AGAP2: variants seen among roughly 807,000 people sequenced by gnomAD.
The protein encoded by AGAP2 is ArfGAP with GTPase domain, ankyrin repeat and PH domain 2, also known as arf-GAP with GTPase, ANK repeat and PH domain-containing protein 2.
Under a neutral mutation model 110.9 loss-of-function variants are expected in AGAP2, and 32 were observed. That is an observed-to-expected ratio of 0.29 (90% CI 0.22 to 0.39). AGAP2 has a LOEUF of 0.39. AGAP2 is among the 10% of genes least tolerant of loss of function. AGAP2 has a pLI of 1.00. For synonymous variants in AGAP2, 702 were observed against 713.0 expected (o/e 0.98, Z 0.25); for missense variants, 1,285 against 1,638.5 (o/e 0.78, Z 3.72).
At chr12:57,735,084 C>T (rs1595092149) in intron 2 of AGAP2, among the ~76,000 whole-genome samples, 1 of 151,628 alleles carries the variant, frequency 6.6e-6, no homozygotes, top group Admixed American at 6.6e-5. Flanking sequence ...GGCAGTACAA[C>T]ATGAAGGCCA....
Position 57,731,278 on chromosome 12 carries a change from T to C in AGAP2, c.2145+88A>G, listed in dbSNP as rs75466825. The C allele has an allele frequency of 1.1e-3, 1,215 of 1,127,798 alleles. 27 individuals carry two copies. The East Asian group carries it at 0.028, about 26-fold the overall frequency. The allele number at this position is 1,127,798 out of a possible 1,614,324, so 69.9% of individuals were successfully genotyped here. A position where few individuals can be genotyped will look rare whatever the true frequency, so the allele number is the denominator to read the frequency against. ...GAAGAGGACTAGCACTTCCTAGAAA[T>C]GAGGTTAGTGCTTTGTCAGAGGCAT... is the stretch of plus-strand genomic sequence containing the variant. On this transcript the variant is annotated intron_variant, in intron 10 of 18. Transcript: ENST00000547588.
chr12:57,727,371 C>T lies in AGAP2; in HGVS notation c.3069G>A (p.Arg1023=). The part of the protein sequence containing the change: ...SDTRGRAKPS[R]DSSREERESW... ...TCCCTCACGCTTACCGCGAAGAGTCCCGCGAGGGCTTGGCACGGCCTCGCG... is the reference window on the plus strand; with the variant it reads ...TCCCTCACGCTTACCGCGAAGAGTCTCGCGAGGGCTTGGCACGGCCTCGCG... The change falls in exon 17 of 19, where the codon CGG becomes CGA. Residue 1023 remains arginine (R), a synonymous_variant. Coordinates refer to ENST00000547588, the MANE Select transcript of AGAP2 (RefSeq NM_001122772.3). The T allele has an allele frequency of 6.2e-7, 1 of 1,610,718 alleles. No individual in the cohort carries two copies. Among genetic ancestry groups the T allele is most frequent in the Non-Finnish European group, 8.5e-7 (1 of 1,178,838 alleles).
In AGAP2 at chr12:57,727,112, G is replaced by T; in HGVS notation, c.3198C>A (p.Asp1066Glu). 6.3e-7 allele frequency: 1 copy of T among 1,596,556 alleles called. No individual in the cohort carries two copies. Among genetic ancestry groups the T allele is most frequent in the Non-Finnish European group, 8.5e-7 (1 of 1,172,832 alleles). ...RQLWAAVQAQDVATVLLLLAH... is the reference protein window; with the variant it reads ...RQLWAAVQAQEVATVLLLLAH... The stretch of plus-strand genomic sequence containing the variant: ...CCAAAAGCAGGAGAACGGTAGCCAC[G>T]TCCTGGGCCTGCACGGCGGCCCACA... Residue 1066 changes from aspartate (D) to glutamate (E), a missense_variant, in exon 18 of 19, where the codon GAC (aspartate) becomes GAA (glutamate). This residue lies in a region of AGAP2 where 201 missense variants were observed against 276.1 expected (regional missense o/e 0.73). Transcript: ENST00000547588.
intron 15 of AGAP2, 27 bp from the exon 16 acceptor site, chr12:57,727,798 G>T (rs1367397783): frequency 6.4e-7 from 1 of 1,574,004 alleles, no homozygotes. Context: ...GGTTGGCACT[G>T]ACTCTGCCTC....
In AGAP2 at chr12:57,726,635, TG is replaced by T; in HGVS notation, c.3495del (p.Ser1166AlafsTer130). On this transcript the variant is annotated frameshift_variant, in exon 19 of 19. Transcript: ENST00000547588. LOFTEE classifies it high-confidence loss of function. The surrounding 1 kb of genome is among the most constrained non-coding windows in gnomAD (Gnocchi z 5.7). ...CGGGGGCTGGGCGTGGCGGTGATGCTGGGCGTGGTGGCCGCGCTGGGCGTGG... is the reference window on the plus strand; with the variant it reads ...CGGGGGCTGGGCGTGGCGGTGATGCTGGCGTGGTGGCCGCGCTGGGCGTGG... ...AATTPSAATT[P>X]SITATPSPRR... is the part of the protein sequence containing the mutation. The T allele has an allele frequency of 8.4e-7, 1 of 1,197,384 alleles. No individual in the cohort carries two copies. The highest frequency in any genetic ancestry group is 1.0e-6 in the Non-Finnish European group (1 of 965,878). 74.2% of individuals were successfully genotyped at this position (1,197,384 alleles called of 1,614,324 possible). A position where few individuals can be genotyped will look rare whatever the true frequency, so the allele number is the denominator to read the frequency against.
downstream of AGAP2, chr12:57,725,064 T>C (rs4760169): frequency 0.11 from 17,071 of 152,646 alleles, 1,206 homozygotes; most frequent in Admixed American, 0.21. Flanking sequence ...ACCACCTCCA[T>C]GCCCATGGGT....
intron 13 of AGAP2, 39 bp from the exon 14 acceptor site, chr12:57,728,416 G>A: frequency 1.3e-6 from 2 of 1,598,540 alleles, no homozygotes; most frequent in Non-Finnish European, 1.7e-6. Context: ...ATAGAATGGA[G>A]AGCAGAACAG....
At position 57,737,317 on chromosome 12, in the gene AGAP2, C is replaced by A; in HGVS notation, c.930G>T (p.Ala310=). The change falls in exon 1 of 19, where the codon GCG becomes GCT. Residue 310 remains alanine, a synonymous_variant. Coordinates refer to ENST00000547588, the MANE Select transcript of AGAP2 (RefSeq NM_001122772.3). The surrounding 1 kb of genome is among the most constrained non-coding windows in gnomAD (Gnocchi z 5.9). ...TTGGAGGTGCAGGCCCGGGGGGCTGCGCGGAAGCAGCGGTGACAGCAGTGG... is the reference window on the plus strand; with the variant it reads ...TTGGAGGTGCAGGCCCGGGGGGCTGAGCGGAAGCAGCGGTGACAGCAGTGG... ...SPATAVTAAS[A]QPPGPAPPIT... is the part of the protein sequence containing the mutation. 6.2e-7 allele frequency: 1 copy of A among 1,613,790 alleles called. No individual in the cohort carries two copies. The highest frequency in any genetic ancestry group is 8.5e-7 in the Non-Finnish European group (1 of 1,179,814).
At chr12:57,728,117 G>C in intron 14 of AGAP2, 32 bp from the exon 15 acceptor site, 1 of 1,567,290 alleles carries the variant, frequency 6.4e-7, no homozygotes, top group Non-Finnish European at 8.6e-7. Context: ...GTCATTAAGG[G>C]ACAGAGTTCA....
In AGAP2 at chr12:57,727,930, C is replaced by G. The variant is rs1444119849; in HGVS notation, c.2766+7G>C. 3 of 1,613,782 alleles carry G rather than the reference C, an allele frequency of 1.9e-6. No homozygotes were observed. The highest frequency in any genetic ancestry group is 2.5e-6 in the Non-Finnish European group (3 of 1,179,970). ...GGCCAGTCCTCCACTCCACCTCAAA[C>G]TCTTACCTTGACCTTGCTGCTCTCA... On this transcript the variant is annotated splice_region_variant and intron_variant, in intron 15 of 18. Transcript: ENST00000547588.
In AGAP2 at chr12:57,737,346, G is replaced by C. The variant is rs1955003474; in HGVS notation, c.901C>G (p.Pro301Ala). ...PPLTLPPTPS[P>A]ATAVTAASAQ... Reference sequence around the variant, plus strand: ...GAAGCAGCGGTGACAGCAGTGGCTGGACTCGGAGTTGGTGGGAGGGTTAGC... The same window carrying C: ...GAAGCAGCGGTGACAGCAGTGGCTGCACTCGGAGTTGGTGGGAGGGTTAGC... Residue 301 changes from proline (P) to alanine (A), a missense_variant, in exon 1 of 19, where the codon CCA becomes GCA. By Grantham distance (27) the Pro-to-Ala change is conservative (BLOSUM62 -1). Coordinates refer to ENST00000547588, the MANE Select transcript of AGAP2 (RefSeq NM_001122772.3). This position sits in a 1 kb window ranked among gnomAD's most constrained non-coding sequence, Gnocchi z 5.9. 1.2e-6 allele frequency: 2 copies of C among 1,613,870 alleles called. No homozygotes were observed. Among genetic ancestry groups the C allele is most frequent in the Non-Finnish European group, 1.7e-6 (2 of 1,179,832 alleles).
In AGAP2 at chr12:57,727,668, T is replaced by C. The variant is rs748095693; in HGVS notation, c.2857+13A>G. 1 of 1,601,972 alleles carries C rather than the reference T, an allele frequency of 6.2e-7. No homozygotes were observed. The highest frequency in any genetic ancestry group is 2.3e-5 in the East Asian group (1 of 44,436). ...TACACTCCCTAGCCCCTCCGCTGCC[T>C]CCTGGCACTCACTGGGGGCCCCGCA... On this transcript the variant is annotated intron_variant, in intron 16 of 18. Transcript: ENST00000547588.
rs372045692 is a variant in AGAP2 at position 57,736,730 on chromosome 12, G to A, written c.1168+349C>T. On this transcript the variant is annotated intron_variant, in intron 1 of 18. Transcript: ENST00000547588. Reference sequence around the variant, plus strand: ...CACCTTCAACGTCGCTCTAAACACGGCAAAGCCCCGTTTCCATGCTCCCAG... The same window carrying A: ...CACCTTCAACGTCGCTCTAAACACGACAAAGCCCCGTTTCCATGCTCCCAG... Among the ~76,000 whole-genome samples the A allele has an allele frequency of 9.2e-5, 14 of 152,296 alleles. No homozygotes were observed. The South Asian group carries it at 2.7e-3, about 29-fold the overall frequency.
rs778967579 is a variant in AGAP2 at position 57,737,358 on chromosome 12, G to A, written c.889C>T (p.Pro297Ser). ...ACAGCAGTGGCTGGACTCGGAGTTG[G>A]TGGGAGGGTTAGCGGAGGAGGAGAG... ...AGSPPPLTLPPTPSPATAVTA... is the reference protein window; with the variant it reads ...AGSPPPLTLPSTPSPATAVTA... Residue 297 changes from proline (P) to serine (S), a missense_variant, in exon 1 of 19, where the codon CCA becomes TCA. Coordinates refer to ENST00000547588, the MANE Select transcript of AGAP2 (RefSeq NM_001122772.3). The surrounding 1 kb of genome is among the most constrained non-coding windows in gnomAD (Gnocchi z 5.9). 2 of 1,613,862 alleles carry A rather than the reference G, an allele frequency of 1.2e-6. No homozygotes were observed. Among genetic ancestry groups the A allele is most frequent in the South Asian group, 1.1e-5 (1 of 91,088 alleles).
chr12:57,741,452 C>T (rs560984605), upstream of AGAP2, among the ~76,000 whole-genome samples: 62 of 150,878 alleles, frequency 4.1e-4, 1 homozygote, highest in African/African-American at 1.3e-3. Flanking sequence ...AATGTGCATG[C>T]GTGTGTGTGT....
chr12:57,737,485 A>G lies in AGAP2; in HGVS notation c.762T>C (p.Gly254=). ...GGGCTCCAGCCCCAGCCCCGACCCC[A>G]CCAGAGGTCGAAGCTGTAGAGCCCC... is the stretch of plus-strand genomic sequence containing the variant. ...GGGGSTASTS[G]GVGAGAGARG... The change falls in exon 1 of 19, where the codon GGT becomes GGC. Residue 254 remains glycine, a synonymous_variant. Transcript: ENST00000547588. This position sits in a 1 kb window ranked among gnomAD's most constrained non-coding sequence, Gnocchi z 5.9. 6.2e-7 allele frequency: 1 copy of G among 1,606,004 alleles called. No homozygotes were observed. Among genetic ancestry groups the G allele is most frequent in the Non-Finnish European group, 8.5e-7 (1 of 1,176,444 alleles).
intron 3 of AGAP2, 78 bp from the exon 4 acceptor site, chr12:57,734,482 C>CCA: frequency 1.3e-6 from 2 of 1,587,398 alleles, no homozygotes; most frequent in Non-Finnish European, 1.7e-6. Context: ...AGTGCTTTTG[C>CCA]TATTATGGCC....
rs1439517262 is a variant in AGAP2, at chr12:57,729,709, C to T, written c.2487G>A (p.Met829Ile). Residue 829 changes from methionine (M) to isoleucine (I), a missense_variant, in exon 13 of 19, where the codon ATG becomes ATA. This residue lies in a region of AGAP2 where 135 missense variants were observed against 182.0 expected (regional missense o/e 0.74). Coordinates refer to ENST00000547588, the MANE Select transcript of AGAP2 (RefSeq NM_001122772.3). ...ATTTTTTCCTCCTCTGCTTCTTCAC[C>T]ATGGGAGAAGGAGGGGGTTCCCGAC... Reference protein sequence around the residue: ...PLSREPPPSPMVKKQRRKKLT... With the variant: ...PLSREPPPSPIVKKQRRKKLT... The T allele has an allele frequency of 2.5e-6, 4 of 1,613,816 alleles. No individual in the cohort carries two copies. The highest frequency in any genetic ancestry group is 3.4e-6 in the Non-Finnish European group (4 of 1,179,864).
rs757410612 is a variant in AGAP2 at position 57,731,865 on chromosome 12, A to G, written c.1897T>C (p.Leu633=). 4 of 1,607,100 alleles carry G rather than the reference A, an allele frequency of 2.5e-6. No individual in the cohort carries two copies. Among genetic ancestry groups the G allele is most frequent in the East Asian group, 2.2e-5 (1 of 44,760 alleles). The change falls in exon 8 of 19, where the codon TTG becomes CTG. Residue 633 remains leucine (L), a synonymous_variant. Coordinates refer to ENST00000547588, the MANE Select transcript of AGAP2 (RefSeq NM_001122772.3). The part of the protein sequence containing the change: ...LRAEAAAVAG[L]STPGSLHRAA... Reference sequence around the variant, plus strand: ...CGGTGCAGGGACCCTGGGGTGCTCAATCCAGCCACTGCAGCTGCCTCGGCT... The same window carrying G: ...CGGTGCAGGGACCCTGGGGTGCTCAGTCCAGCCACTGCAGCTGCCTCGGCT...
Sources: allele counts gnomAD v4.1 joint callset (sites outside exome capture counted in the v4.1 genomes callset), GRCh38; gene constraint gnomAD v4.1.1; regional missense constraint gnomAD v4.1.1; non-coding constraint Gnocchi (gnomAD v3.1); transcripts MANE v1.5; gene names NCBI Gene and HGNC (gene_info 2026-07-23, HGNC 2026-07-21).